TMTC1: variants seen among roughly 807,000 people sequenced by gnomAD.
The protein encoded by TMTC1 is transmembrane O-mannosyltransferase targeting cadherins 1, also known as protein O-mannosyl-transferase TMTC1.
A neutral mutation model predicts 104.8 loss-of-function variants in TMTC1; 73 were observed. The observed-to-expected ratio is 0.70, with a 90% CI of 0.58 to 0.85. TMTC1 has a LOEUF of 0.85. TMTC1 is among the 40% of genes least tolerant of loss of function. The pLI is 0.00. For missense variants in TMTC1, 1,035 were observed against 1,096.1 expected (o/e 0.94, Z 0.79); for synonymous variants, 434 against 428.7 (o/e 1.01, Z -0.15).
intron 8 of TMTC1, among the ~76,000 whole-genome samples, chr12:29,581,297 T>C (rs377077872): frequency 5.3e-5 from 8 of 152,342 alleles, no homozygotes; most frequent in African/African-American, 1.9e-4. Flanking sequence ...GTCTTAATAG[T>C]CTTTTAAAGT....
chr12:29,746,981 C>T (rs1942970496), intron 5 of TMTC1, among the ~76,000 whole-genome samples: 1 of 152,054 alleles, frequency 6.6e-6, no homozygotes, highest in Admixed American at 6.5e-5. Context: ...AAACAGTATT[C>T]AATGAATGAA....
chr12:29,583,954 T>C (rs1466416658), intron 7 of TMTC1, among the ~76,000 whole-genome samples: 6 of 152,214 alleles, frequency 3.9e-5, no homozygotes, highest in Non-Finnish European at 8.8e-5. Context: ...ATTGGCACTA[T>C]GCGCCTAAAT....
intron 5 of TMTC1, among the ~76,000 whole-genome samples, chr12:29,666,851 T>C (rs778192590): frequency 1.3e-5 from 2 of 152,208 alleles, no homozygotes; most frequent in Non-Finnish European, 2.9e-5. Flanking sequence ...AACAGTGATA[T>C]ATGAAATTTC....
chr12:29,738,789 C>G (rs1163438366), intron 5 of TMTC1, among the ~76,000 whole-genome samples: 1 of 152,170 alleles, frequency 6.6e-6, no homozygotes, highest in Non-Finnish European at 1.5e-5. Flanking sequence ...ATTGAGAAGG[C>G]TCAAGCCAAT....
At chr12:29,660,731 T>G in intron 5 of TMTC1, 2 of 480,856 alleles carry the variant, frequency 4.2e-6, no homozygotes, top group Non-Finnish European at 3.1e-6. Flanking sequence ...ATTACATGTC[T>G]GAGCTGAGAT....
intron 5 of TMTC1, among the ~76,000 whole-genome samples, chr12:29,737,381 G>C (rs1221905341): frequency 6.6e-6 from 1 of 152,202 alleles, no homozygotes; most frequent in Non-Finnish European, 1.5e-5. Context: ...AGCTGGGCCT[G>C]GTGGCGCATG....
At chr12:29,520,548 G>C in intron 12 of TMTC1, 70 bp downstream of exon 12, 1 of 1,315,504 alleles carries the variant, frequency 7.6e-7, no homozygotes. Flanking sequence ...AGGATTATTT[G>C]CCTTCCATTT....
chr12:29,705,844 C>G (rs1208402560), intron 5 of TMTC1, among the ~76,000 whole-genome samples: 3 of 152,038 alleles, frequency 2.0e-5, no homozygotes, highest in African/African-American at 7.2e-5. Context: ...CTAGCCTGCC[C>G]TAAAGACACC....
intron 11 of TMTC1, chr12:29,520,945 G>A (rs111500163): frequency 8.6e-6 from 4 of 467,008 alleles, no homozygotes; most frequent in East Asian, 7.6e-5. Flanking sequence ...CCCTTAGGGC[G>A]AAAAAGATGA....
intron 10 of TMTC1, among the ~76,000 whole-genome samples, chr12:29,539,555 G>T (rs1944737593): frequency 6.6e-6 from 1 of 152,192 alleles, no homozygotes; most frequent in Non-Finnish European, 1.5e-5. Context: ...GTTCTGACTA[G>T]CATTCCAAAC....
rs144004682 is a variant in TMTC1 at position 29,620,324 on chromosome 12, C to T, written c.1128+12823G>A. 5.3e-5 allele frequency among the ~76,000 whole-genome samples: 8 copies of T among 152,320 alleles called. No homozygotes were observed. The East Asian group carries it at 1.4e-3, about 26-fold the overall frequency. ...GCTCAGTGCTGATCACTCCCCTCCA[C>T]AGCCTTCCCTCCCCCCAGCCTTGGG... On this transcript the variant is annotated intron_variant, in intron 6 of 17. Transcript: ENST00000539277.
At chr12:29,747,733 G>A (rs1429139509) in intron 5 of TMTC1, among the ~76,000 whole-genome samples, 1 of 152,138 alleles carries the variant, frequency 6.6e-6, no homozygotes, top group Non-Finnish European at 1.5e-5. Flanking sequence ...TAATAATGAC[G>A]CTGCTGGCTT....
intron 17 of TMTC1, among the ~76,000 whole-genome samples, chr12:29,508,345 T>C (rs1943745503): frequency 1.3e-5 from 2 of 152,382 alleles, no homozygotes; most frequent in South Asian, 4.1e-4. Context: ...AAATGTCTTC[T>C]GATTTTTATT....
At chr12:29,765,061 T>C (rs571462100) in intron 2 of TMTC1, among the ~76,000 whole-genome samples, 57 of 152,352 alleles carry the variant, frequency 3.7e-4, no homozygotes, top group African/African-American at 1.3e-3. Context: ...AGAAATAAAA[T>C]GCTGTCTATG....
intron 5 of TMTC1, among the ~76,000 whole-genome samples, chr12:29,671,811 G>A (rs1163592095): frequency 6.6e-6 from 1 of 152,138 alleles, no homozygotes; most frequent in African/African-American, 2.4e-5. Flanking sequence ...AAATCAACAT[G>A]GGCTGGAAAA....
At chr12:29,718,510 T>C (rs868263769) in intron 5 of TMTC1, among the ~76,000 whole-genome samples, 5 of 152,168 alleles carry the variant, frequency 3.3e-5, no homozygotes, top group South Asian at 4.1e-4. Flanking sequence ...GAACTCCAAA[T>C]AGCCCTGGTA....
At chr12:29,702,986 A>T (rs1941640969) in intron 5 of TMTC1, among the ~76,000 whole-genome samples, 1 of 152,072 alleles carries the variant, frequency 6.6e-6, no homozygotes, top group Non-Finnish European at 1.5e-5. Context: ...CTCTACTAAA[A>T]TATAAAAATT....
chr12:29,566,869 G>A (rs1007944146), intron 9 of TMTC1, among the ~76,000 whole-genome samples: 4 of 152,128 alleles, frequency 2.6e-5, no homozygotes, highest in African/African-American at 9.7e-5. Context: ...ACTTATACAA[G>A]AAATCACAGC....
intron 5 of TMTC1, among the ~76,000 whole-genome samples, chr12:29,714,906 CAGA>C (rs1433326116): frequency 6.6e-6 from 1 of 152,232 alleles, no homozygotes; most frequent in Non-Finnish European, 1.5e-5. Context: ...GCTGCACTCT[CAGA>C]AGGAGTACAG....
Sources: allele counts gnomAD v4.1 joint callset (sites outside exome capture counted in the v4.1 genomes callset), GRCh38; gene constraint gnomAD v4.1.1; transcripts MANE v1.5; gene names NCBI Gene and HGNC (gene_info 2026-07-23, HGNC 2026-07-21).